The following SORCS3 variants were observed in gnomAD, a reference collection of about 807,000 sequenced individuals.
SORCS3 encodes VPS10 domain-containing receptor SorCS3.
A neutral mutation model predicts 146.3 loss-of-function variants in SORCS3; 57 were observed. The observed-to-expected ratio is 0.39, with a 90% CI of 0.31 to 0.49. The LOEUF is 0.49. SORCS3 is among the 20% of genes least tolerant of loss of function. The pLI is 0.92. For synonymous variants in SORCS3, 653 were observed against 618.5 expected (o/e 1.06, Z -0.83); for missense variants, 1,341 against 1,575.5 (o/e 0.85, Z 2.52).
At chr10:105,242,700 TTATATATTTATATATTTATATACATTTA>T (rs2056839603) in intron 20 of SORCS3, among the ~76,000 whole-genome samples, 1 of 99,666 alleles carries the variant, frequency 1.0e-5, no homozygotes, top group African/African-American at 4.2e-5. Context: ...TTATATACAT[TTATATATTTATATATTTATATACATTTA>T]TATATATTTA....
intron 1 of SORCS3, among the ~76,000 whole-genome samples, chr10:104,793,428 T>C (rs2017516711): frequency 6.6e-6 from 1 of 152,150 alleles, no homozygotes; most frequent in South Asian, 2.1e-4. Context: ...AATATGTGTC[T>C]TAATAGGGTG....
chr10:105,245,204 A>G (rs1277237765), intron 20 of SORCS3, among the ~76,000 whole-genome samples: 2 of 152,092 alleles, frequency 1.3e-5, no homozygotes, highest in African/African-American at 2.4e-5. Flanking sequence ...ATATTGGAGG[A>G]GAAGGGAAAT....
chr10:104,905,459 G>A (rs993454527), intron 2 of SORCS3, among the ~76,000 whole-genome samples: 5 of 152,276 alleles, frequency 3.3e-5, no homozygotes, highest in African/African-American at 1.2e-4. Flanking sequence ...TTTGCTATTA[G>A]TTTCTCACAG....
intron 1 of SORCS3, among the ~76,000 whole-genome samples, chr10:104,680,071 C>A (rs537667901): frequency 2.0e-5 from 3 of 152,150 alleles, no homozygotes; most frequent in Non-Finnish European, 4.4e-5. Context: ...ACATCTGGAC[C>A]GGCTGGATTC....
At chr10:105,262,544 G>T (rs1234997509) in intron 26 of SORCS3, 53 bp downstream of exon 26, 6 of 1,553,972 alleles carry the variant, frequency 3.9e-6, no homozygotes, top group Non-Finnish European at 5.3e-6. Context: ...CTAAACACTG[G>T]CCTGCTTCAT....
chr10:105,213,875 G>A (rs1404293127), intron 17 of SORCS3, among the ~76,000 whole-genome samples: 1 of 150,454 alleles, frequency 6.6e-6, no homozygotes, highest in Non-Finnish European at 1.5e-5. Flanking sequence ...GAAAAAAAAT[G>A]TGCTCTGAAA....
At chr10:105,134,465 A>G (rs2056044363) in intron 7 of SORCS3, among the ~76,000 whole-genome samples, 1 of 151,882 alleles carries the variant, frequency 6.6e-6, no homozygotes, top group Non-Finnish European at 1.5e-5. Context: ...CCAGCATGTT[A>G]GATATCTAGT....
intron 1 of SORCS3, among the ~76,000 whole-genome samples, chr10:104,658,334 T>G (rs1282765658): frequency 6.6e-6 from 1 of 152,182 alleles, no homozygotes; most frequent in Non-Finnish European, 1.5e-5. Context: ...GTCACATGTA[T>G]GCACATGAGT....
At chr10:104,786,576 T>C (rs1181236067) in intron 1 of SORCS3, among the ~76,000 whole-genome samples, 1 of 143,562 alleles carries the variant, frequency 7.0e-6, no homozygotes, top group Non-Finnish European at 1.5e-5. Context: ...ATAATAATAA[T>C]AGTGATGATG....
At position 105,218,385 on chromosome 10, in the gene SORCS3, T is replaced by G. The variant is rs946814745; in HGVS notation, c.2734+1263T>G. On this transcript the variant is annotated intron_variant, in intron 19 of 26. Coordinates refer to ENST00000369701, the MANE Select transcript of SORCS3 (RefSeq NM_014978.3). ...ATTCACTAATTAATTTAACAAAAAT[T>G]TGTTGAAGTCTTAAAATGTGCAAGG... Among the ~76,000 whole-genome samples the G allele has an allele frequency of 2.6e-5, 4 of 152,326 alleles. No homozygotes were observed. In the East Asian group the frequency reaches 5.8e-4, roughly 22 times the overall value.
intron 1 of SORCS3, among the ~76,000 whole-genome samples, chr10:104,673,079 C>T (rs753320292): frequency 1.0e-3 from 159 of 151,976 alleles, no homozygotes; most frequent in Admixed American, 4.9e-3. Context: ...CACCTTTGTT[C>T]GCTTTTGGTT....
rs140389935 is a variant in SORCS3, at chr10:104,837,462, T to C, written c.628-5330T>C. On this transcript the variant is annotated intron_variant, in intron 1 of 26. Transcript: ENST00000369701. ...ATAGCTTGTAAGAAGAGAGAAGTGC[T>C]ATTACTCATGAATTATTCCAATTTA... Among the ~76,000 whole-genome samples the C allele has an allele frequency of 6.6e-5, 10 of 152,350 alleles. No homozygotes were observed. The East Asian group carries it at 1.9e-3, about 29-fold the overall frequency.
intron 2 of SORCS3, among the ~76,000 whole-genome samples, chr10:104,859,483 A>G (rs1272593098): frequency 6.6e-6 from 1 of 152,216 alleles, no homozygotes; most frequent in Non-Finnish European, 1.5e-5. Flanking sequence ...AAACCTAGGC[A>G]TTACCATTCA....
At chr10:104,969,647 A>AG (rs1234098204) in intron 3 of SORCS3, among the ~76,000 whole-genome samples, 1 of 152,206 alleles carries the variant, frequency 6.6e-6, no homozygotes, top group Non-Finnish European at 1.5e-5. Flanking sequence ...TGTCAGAGAA[A>AG]GGTAGTAATA....
At chr10:105,053,956 T>C (rs923413586) in intron 5 of SORCS3, among the ~76,000 whole-genome samples, 5 of 152,086 alleles carry the variant, frequency 3.3e-5, no homozygotes, top group African/African-American at 1.2e-4. Flanking sequence ...TTACACCTGT[T>C]TCCACTACAA....
chr10:105,198,885 G>A (rs1179383062), intron 14 of SORCS3, among the ~76,000 whole-genome samples: 1 of 152,082 alleles, frequency 6.6e-6, no homozygotes, highest in East Asian at 1.9e-4. Context: ...TTGTAAATTG[G>A]ATGATCCACA....
intron 5 of SORCS3, among the ~76,000 whole-genome samples, chr10:105,066,513 G>A (rs2055523661): frequency 2.0e-5 from 3 of 152,118 alleles, no homozygotes; most frequent in Admixed American, 6.6e-5. Context: ...TGGGGTCTTG[G>A]ATTTGCTGCC....
At chr10:104,862,580 A>G (rs1441167422) in intron 2 of SORCS3, among the ~76,000 whole-genome samples, 1 of 151,646 alleles carries the variant, frequency 6.6e-6, no homozygotes, top group African/African-American at 2.4e-5. Flanking sequence ...GACTTTTCAT[A>G]TATTTTGTAG....
At chr10:105,064,014 C>T (rs941344279) in intron 5 of SORCS3, among the ~76,000 whole-genome samples, 14 of 152,118 alleles carry the variant, frequency 9.2e-5, no homozygotes, top group African/African-American at 2.9e-4. Flanking sequence ...AGAGTGCTGC[C>T]GGAGCATGAC....
Sources: allele counts gnomAD v4.1 joint callset (sites outside exome capture counted in the v4.1 genomes callset), GRCh38; gene constraint gnomAD v4.1.1; transcripts MANE v1.5; gene names NCBI Gene and HGNC (gene_info 2026-07-23, HGNC 2026-07-21).